PTPN4: variants seen among roughly 807,000 people sequenced by gnomAD.
PTPN4 encodes the protein tyrosine-protein phosphatase non-receptor type 4.
Under a neutral mutation model 135.5 loss-of-function variants are expected in PTPN4, and 49 were observed. The observed-to-expected ratio is 0.36, with a 90% confidence interval of 0.29 to 0.46. PTPN4 has a LOEUF of 0.46. PTPN4 is among the 20% of genes least tolerant of loss of function. PTPN4 has a pLI of 1.00. For synonymous variants in PTPN4, 333 were observed against 369.9 expected, an observed-to-expected ratio of 0.90 and a Z score of 1.14; for missense variants, 860 against 1,101.0, an observed-to-expected ratio of 0.78 and a Z score of 3.10.
intron 2 of PTPN4, among the ~76,000 whole-genome samples, chr2:119,834,872 C>T (rs150703930): frequency 2.6e-5 from 4 of 152,234 alleles, no homozygotes; most frequent in Non-Finnish European, 5.9e-5. Context: ...CAGTGTCTGG[C>T]AATAGTAAGC....
In PTPN4 at chr2:119,830,103, A is replaced by G. The variant is rs536478034; in HGVS notation, c.138+20112A>G. Among the ~76,000 whole-genome samples, 7 of 152,256 alleles carry G rather than the reference A, an allele frequency of 4.6e-5. No individual in the cohort carries two copies. In the East Asian group the frequency reaches 1.2e-3, roughly 25 times the overall value. ...ACTGCATAATAATGTTTCATGGGCCATAGTCACAAAGGTGTGTATTCCTAT... is the reference window on the plus strand; with the variant it reads ...ACTGCATAATAATGTTTCATGGGCCGTAGTCACAAAGGTGTGTATTCCTAT... On this transcript the variant is annotated intron_variant, in intron 2 of 26. Coordinates refer to ENST00000263708, the MANE Select transcript of PTPN4 (RefSeq NM_002830.4).
chr2:119,836,273 CT>C (rs1677292366), intron 2 of PTPN4, among the ~76,000 whole-genome samples: 5 of 152,208 alleles, frequency 3.3e-5, no homozygotes, highest in African/African-American at 1.2e-4. Context: ...CCTTCTTAGA[CT>C]TTTCTTCCTC....
chr2:119,933,316 A>C (rs1678932611), intron 14 of PTPN4, among the ~76,000 whole-genome samples: 1 of 152,226 alleles, frequency 6.6e-6, no homozygotes, highest in African/African-American at 2.4e-5. Context: ...TTGGTATGAA[A>C]TATAATATTT....
chr2:119,764,302 G>A (rs13382837), intron 1 of PTPN4, among the ~76,000 whole-genome samples: 3 of 152,136 alleles, frequency 2.0e-5, no homozygotes, highest in Non-Finnish European at 2.9e-5. Context: ...CCACCTTCCC[G>A]TTTAAAAATA....
chr2:119,846,104 T>A (rs1000535483), intron 2 of PTPN4, among the ~76,000 whole-genome samples: 1 of 152,214 alleles, frequency 6.6e-6, no homozygotes, highest in Non-Finnish European at 1.5e-5. Flanking sequence ...TTTCATGGCC[T>A]ACCATATGGT....
At chr2:119,760,733 CTTTTTTTTTT>C (rs59953430) in intron 1 of PTPN4, among the ~76,000 whole-genome samples, 182 of 79,922 alleles carry the variant, frequency 2.3e-3, no homozygotes, top group Admixed American at 6.2e-3. Context: ...GGTAGAATTC[CTTTTTTTTTT>C]TTTTTTTTTT....
chr2:119,940,182 C>T (rs1679040647), intron 15 of PTPN4, among the ~76,000 whole-genome samples: 1 of 152,202 alleles, frequency 6.6e-6, no homozygotes, highest in Admixed American at 6.5e-5. Flanking sequence ...TTAGATATTA[C>T]TCATATCCCT....
At chr2:119,910,514 A>G (rs141280215) in intron 10 of PTPN4, among the ~76,000 whole-genome samples, 181 of 152,254 alleles carry the variant, frequency 1.2e-3, no homozygotes, top group African/African-American at 4.1e-3. Flanking sequence ...TGAATGTTTG[A>G]ATATTGATAT....
intron 1 of PTPN4, among the ~76,000 whole-genome samples, chr2:119,770,873 TCTAA>T (rs1190531029): frequency 5.3e-5 from 8 of 151,382 alleles, no homozygotes; most frequent in African/African-American, 9.7e-5. Flanking sequence ...ATCTAAAGGG[TCTAA>T]CTTTTTTTTT....
chr2:119,968,314 C>T (rs1267227278), intron 26 of PTPN4, among the ~76,000 whole-genome samples: 1 of 152,142 alleles, frequency 6.6e-6, no homozygotes, highest in East Asian at 1.9e-4. Flanking sequence ...GTTTTGCTAA[C>T]ATGCAAGTTG....
At chr2:119,842,762 T>C (rs1203978462) in intron 2 of PTPN4, among the ~76,000 whole-genome samples, 1 of 152,116 alleles carries the variant, frequency 6.6e-6, no homozygotes, top group African/African-American at 2.4e-5. Context: ...TGGTAACATC[T>C]TCTCTAACTG....
chr2:119,816,111 C>A (rs941883658), intron 2 of PTPN4, among the ~76,000 whole-genome samples: 4 of 152,120 alleles, frequency 2.6e-5, no homozygotes, highest in Non-Finnish European at 5.9e-5. Flanking sequence ...GATGGTATAA[C>A]CTATTACACA....
At chr2:119,797,036 T>G (rs1192667470) in intron 1 of PTPN4, among the ~76,000 whole-genome samples, 1 of 152,212 alleles carries the variant, frequency 6.6e-6, no homozygotes, top group African/African-American at 2.4e-5. Flanking sequence ...GTTCACATCT[T>G]TCGCCTTGTT....
At chr2:119,930,122 G>A (rs1209051563) in intron 13 of PTPN4, among the ~76,000 whole-genome samples, 3 of 151,990 alleles carry the variant, frequency 2.0e-5, no homozygotes, top group South Asian at 2.1e-4. Flanking sequence ...TGAACTAAAC[G>A]GTGTCATGAG....
chr2:119,773,609 G>A (rs1463960960), intron 1 of PTPN4, among the ~76,000 whole-genome samples: 3 of 151,698 alleles, frequency 2.0e-5, no homozygotes, highest in African/African-American at 4.8e-5. Context: ...GGTGGCGCAC[G>A]CCTGTAATCC....
intron 1 of PTPN4, among the ~76,000 whole-genome samples, chr2:119,764,730 A>AT (rs946120871): frequency 6.6e-6 from 1 of 150,498 alleles, no homozygotes; most frequent in Non-Finnish European, 1.5e-5. Flanking sequence ...CGTCTTTTGT[A>AT]TTGTCTTATG....
At chr2:119,781,890 A>G (rs1228525945) in intron 1 of PTPN4, among the ~76,000 whole-genome samples, 1 of 152,178 alleles carries the variant, frequency 6.6e-6, no homozygotes, top group Admixed American at 6.6e-5. Context: ...ATGTTTGTCA[A>G]TTTTAATACT....
At chr2:119,898,572 C>T (rs1678358149) in intron 9 of PTPN4, among the ~76,000 whole-genome samples, 1 of 152,024 alleles carries the variant, frequency 6.6e-6, no homozygotes, top group African/African-American at 2.4e-5. Flanking sequence ...CCTAAGAATC[C>T]AATAAATAGC....
intron 1 of PTPN4, chr2:119,771,769 ACTT>A (rs1690739860): frequency 1.3e-5 from 2 of 152,310 alleles, no homozygotes; most frequent in African/African-American, 4.8e-5. Flanking sequence ...ACTTGGCAAA[ACTT>A]CTGAAATTAT....
Sources: allele counts gnomAD v4.1 joint callset (sites outside exome capture counted in the v4.1 genomes callset), GRCh38; gene constraint gnomAD v4.1.1; transcripts MANE v1.5; gene names NCBI Gene and HGNC (gene_info 2026-07-23, HGNC 2026-07-21).